RNF217: variants seen among roughly 807,000 people sequenced by gnomAD.
RNF217 encodes the protein ring finger protein 217.
A neutral mutation model predicts 57.8 loss-of-function variants in RNF217; 31 were observed. The ratio of observed to expected loss-of-function variants is 0.54; its 90% confidence interval spans 0.40 to 0.72. The LOEUF (loss-of-function observed/expected upper bound fraction) is 0.72. RNF217 is among the 30% of genes least tolerant of loss of function. The pLI is 0.00. For synonymous variants in RNF217, 313 were observed against 294.0 expected (o/e 1.06, Z -0.66); for missense variants, 696 against 708.3 (o/e 0.98, Z 0.20).
At chr6:124,995,484 T>C (rs1212095875) in intron 1 of RNF217, among the ~76,000 whole-genome samples, 1 of 152,256 alleles carries the variant, frequency 6.6e-6, no homozygotes, top group Non-Finnish European at 1.5e-5. Flanking sequence ...ACATTCTTTG[T>C]ATGTTTTTTA....
At chr6:125,011,166 A>T (rs540460349) in intron 1 of RNF217, among the ~76,000 whole-genome samples, 4 of 152,302 alleles carry the variant, frequency 2.6e-5, no homozygotes, top group African/African-American at 9.6e-5. Context: ...CTTCTTTTAA[A>T]GTTTTGTCTA....
intron 1 of RNF217, among the ~76,000 whole-genome samples, chr6:124,986,843 T>G (rs769449703): frequency 2.0e-4 from 31 of 152,328 alleles, no homozygotes; most frequent in Non-Finnish European, 4.1e-4. Context: ...TCTTGAAATT[T>G]GTAATATAGA....
intron 1 of RNF217, chr6:124,996,725 C>T (rs993088816): frequency 1.3e-5 from 2 of 152,152 alleles, no homozygotes; most frequent in African/African-American, 4.8e-5. Flanking sequence ...TACAATGAGA[C>T]TATAAGTCAC....
Position 125,085,455 on chromosome 6 carries a change from C to A in RNF217, c.*2518C>A, listed in dbSNP as rs1788744832. On this transcript the variant is annotated 3_prime_UTR_variant, in exon 6 of 6. Coordinates refer to ENST00000521654, the MANE Select transcript of RNF217 (RefSeq NM_001286398.3). ...TATTTGTGAATTTTTTACTAAGTTT[C>A]ATCAAGATCTTAAAAAGAGAGAAGA... is the stretch of plus-strand genomic sequence containing the variant. 6.6e-6 allele frequency: 1 copy of A among 151,746 alleles called. No homozygotes were observed. The highest frequency in any genetic ancestry group is 2.1e-4 in the South Asian group (1 of 4,830). 9.4% of individuals were successfully genotyped at this position (151,746 alleles called of 1,614,324 possible). A position where few individuals can be genotyped will look rare whatever the true frequency, so the allele number is the denominator to read the frequency against.
At chr6:125,066,521 ATG>A (rs1485587440) in intron 3 of RNF217, among the ~76,000 whole-genome samples, 2 of 152,080 alleles carry the variant, frequency 1.3e-5, no homozygotes, top group Non-Finnish European at 2.9e-5. Context: ...CTTACCACAG[ATG>A]TGTGCACTGC....
At chr6:125,055,235 T>G (rs910678571) in intron 2 of RNF217, among the ~76,000 whole-genome samples, 2 of 152,124 alleles carry the variant, frequency 1.3e-5, no homozygotes, top group Non-Finnish European at 2.9e-5. Flanking sequence ...TAGTAAGCAA[T>G]CCAGTATGAG....
intron 1 of RNF217, among the ~76,000 whole-genome samples, chr6:124,966,876 A>G (rs369015034): frequency 8.1e-4 from 123 of 152,350 alleles, no homozygotes; most frequent in Admixed American, 2.6e-3. Flanking sequence ...GGTGACTTAA[A>G]TACCTCTATG....
intron 3 of RNF217, among the ~76,000 whole-genome samples, chr6:125,066,727 T>C (rs9482591): frequency 0.041 from 6,221 of 152,302 alleles, 387 homozygotes; most frequent in African/African-American, 0.14. Context: ...ATTTTGCAGC[T>C]GTGAGAGCAG....
At chr6:125,049,244 C>A (rs1787215563) in intron 2 of RNF217, among the ~76,000 whole-genome samples, 1 of 151,988 alleles carries the variant, frequency 6.6e-6, no homozygotes, top group Non-Finnish European at 1.5e-5. Context: ...GACACATCAC[C>A]CACACCCAAA....
At chr6:125,074,340 GATA>G (rs1788276957) in intron 3 of RNF217, among the ~76,000 whole-genome samples, 2 of 150,726 alleles carry the variant, frequency 1.3e-5, no homozygotes, top group Admixed American at 6.6e-5. Context: ...TAGATAGATA[GATA>G]GATAGATAGG....
chr6:124,968,086 A>G (rs1201692156), intron 1 of RNF217, among the ~76,000 whole-genome samples: 1 of 152,156 alleles, frequency 6.6e-6, no homozygotes, highest in African/African-American at 2.4e-5. Context: ...CTGGCCCCAT[A>G]AATTCATTTC....
intron 3 of RNF217, among the ~76,000 whole-genome samples, chr6:125,065,150 A>G (rs1009524899): frequency 2.0e-5 from 3 of 151,656 alleles, no homozygotes; most frequent in Admixed American, 6.6e-5. Context: ...AATTAGCTGG[A>G]CGTAGTGGCA....
At chr6:124,982,826 G>T (rs549791507) in intron 1 of RNF217, among the ~76,000 whole-genome samples, 8 of 152,284 alleles carry the variant, frequency 5.3e-5, no homozygotes, top group South Asian at 4.1e-4. Flanking sequence ...TTTATGGTAT[G>T]TGAAAGTAAT....
chr6:125,086,442 T>G lies in RNF217; in HGVS notation c.*3505T>G, dbSNP rs2114669229. Reference sequence around the variant, plus strand: ...AATACCCAAGCCAAATTGGTGATACTTTTCGCATTTTTAGTAACACTATCC... The same window carrying G: ...AATACCCAAGCCAAATTGGTGATACGTTTCGCATTTTTAGTAACACTATCC... On this transcript the variant is annotated 3_prime_UTR_variant, in exon 6 of 6. Transcript: ENST00000521654. The G allele has an allele frequency of 6.6e-6, 1 of 152,222 alleles. No individual in the cohort carries two copies. Among genetic ancestry groups the G allele is most frequent in the African/African-American group, 2.4e-5 (1 of 41,562 alleles). 9.4% of individuals were successfully genotyped at this position (152,222 alleles called of 1,614,324 possible).
chr6:125,068,421 C>T (rs1045859391), intron 3 of RNF217, among the ~76,000 whole-genome samples: 1 of 152,182 alleles, frequency 6.6e-6, no homozygotes, highest in African/African-American at 2.4e-5. Flanking sequence ...TCCTCTGACC[C>T]TTACACCAGA....
intron 1 of RNF217, among the ~76,000 whole-genome samples, chr6:124,996,123 T>C (rs1348424608): frequency 6.6e-6 from 1 of 152,182 alleles, no homozygotes; most frequent in African/African-American, 2.4e-5. Flanking sequence ...GTTGTGCCAG[T>C]TGATACTCGC....
intron 1 of RNF217, among the ~76,000 whole-genome samples, chr6:124,979,088 A>G (rs1253551420): frequency 2.6e-5 from 4 of 152,168 alleles, no homozygotes; most frequent in Admixed American, 6.5e-5. Context: ...CACTCTGGTC[A>G]TTGACTCTAT....
At chr6:125,019,585 C>T (rs1203682769) in intron 1 of RNF217, among the ~76,000 whole-genome samples, 1 of 151,960 alleles carries the variant, frequency 6.6e-6, no homozygotes, top group Non-Finnish European at 1.5e-5. Context: ...TAATTTTTAA[C>T]CCTTATTACC....
chr6:124,982,261 A>C (rs1784204386), intron 1 of RNF217, among the ~76,000 whole-genome samples: 1 of 152,136 alleles, frequency 6.6e-6, no homozygotes, highest in African/African-American at 2.4e-5. Context: ...TCTTTCTGTC[A>C]AGAATCAACT....
Sources: allele counts gnomAD v4.1 joint callset (sites outside exome capture counted in the v4.1 genomes callset), GRCh38; gene constraint gnomAD v4.1.1; transcripts MANE v1.5; gene names NCBI Gene and HGNC (gene_info 2026-07-23, HGNC 2026-07-21).